RAPGEF5: variants seen among roughly 807,000 people sequenced by gnomAD.
RAPGEF5 encodes the protein Rap guanine nucleotide exchange factor 5.
In RAPGEF5, 65 loss-of-function variants were observed where a neutral mutation model predicts 125.2. That is an observed-to-expected ratio of 0.52 (90% CI 0.43 to 0.64). The LOEUF (loss-of-function observed/expected upper bound fraction) is 0.64. RAPGEF5 is among the 30% of genes least tolerant of loss of function. The probability of loss-of-function intolerance (pLI) is 0.00; values close to 1 mark genes in which losing one functional copy is unlikely to be tolerated. For synonymous variants in RAPGEF5, 391 were observed against 385.9 expected (o/e 1.01, Z -0.16); for missense variants, 958 against 1,048.1 (o/e 0.91, Z 1.19).
At chr7:22,329,808 A>G (rs548522706) in intron 1 of RAPGEF5, among the ~76,000 whole-genome samples, 2 of 152,328 alleles carry the variant, frequency 1.3e-5, no homozygotes, top group South Asian at 4.1e-4. Flanking sequence ...GACAGGTAAA[A>G]GAACACTCAG....
In RAPGEF5 at chr7:22,328,143, G is replaced by A. The variant is rs139993770; in HGVS notation, c.232-10106C>T. On this transcript the variant is annotated intron_variant, in intron 1 of 25. Coordinates refer to ENST00000665637, the MANE Select transcript of RAPGEF5 (RefSeq NM_012294.5). ...TGGCAGAGTGCCTGTCACAAAGCAA[G>A]GCCAGTGGGACCCTAATAGAATTCT... Among the ~76,000 whole-genome samples, 532 of 152,300 alleles carry A rather than the reference G, an allele frequency of 3.5e-3. 2 individuals are homozygous for A. The highest frequency in any genetic ancestry group is 0.012 in the African/African-American group (510 of 41,550).
chr7:22,356,956 G>T lies in RAPGEF5; in HGVS notation c.105C>A (p.Ser35Arg). ...VVAADGPLRR[S>R]PSAREPEREQ... ...CGCGCTCGGGCTCCCGGGCGCTGGG[G>T]CTGCGGCGCAGGGGGCCGTCTGCCG... is the stretch of plus-strand genomic sequence containing the variant. The change falls in exon 1 of 26, where the codon AGC becomes AGA. Residue 35 changes from serine (S) to arginine (R), a missense_variant. By Grantham distance (110) the Ser-to-Arg change is moderately radical. Transcript: ENST00000665637. 9.6e-7 allele frequency: 1 copy of T among 1,041,672 alleles called. No homozygotes were observed. Among genetic ancestry groups the T allele is most frequent in the Admixed American group, 5.6e-5 (1 of 17,786 alleles). 64.5% of individuals were successfully genotyped at this position (1,041,672 alleles called of 1,614,324 possible). A position where few individuals can be genotyped will look rare whatever the true frequency, so the allele number is the denominator to read the frequency against.
intron 9 of RAPGEF5, among the ~76,000 whole-genome samples, chr7:22,199,008 T>C (rs148333550): frequency 6.6e-6 from 1 of 152,328 alleles, no homozygotes; most frequent in African/African-American, 2.4e-5. Context: ...TCAAAGGAGA[T>C]GTCACTTTCC....
At chr7:22,124,234 G>T (rs1236322896) in intron 25 of RAPGEF5, among the ~76,000 whole-genome samples, 1 of 152,162 alleles carries the variant, frequency 6.6e-6, no homozygotes, top group Non-Finnish European at 1.5e-5. Flanking sequence ...TGATATCTTA[G>T]AATTAGCTGA....
chr7:22,355,891 G>T, intron 1 of RAPGEF5: 1 of 918,768 alleles, frequency 1.1e-6, no homozygotes, highest in Non-Finnish European at 1.3e-6. Context: ...AAAAATTACA[G>T]CCAAACGGGA....
intron 1 of RAPGEF5, among the ~76,000 whole-genome samples, chr7:22,336,716 C>G (rs1292715927): frequency 6.6e-6 from 1 of 152,140 alleles, no homozygotes; most frequent in South Asian, 2.1e-4. Context: ...TGGGTGGAAC[C>G]TGGGATTCAA....
In RAPGEF5 at chr7:22,121,415, T is replaced by C. The variant is rs927280388; in HGVS notation, c.*991A>G. ...AGTGCTAAGTGCTTCACTCATTAAA[T>C]GTCACTTAACCTCCCTGCACTGGCT... On this transcript the variant is annotated 3_prime_UTR_variant, in exon 26 of 26. Transcript: ENST00000665637. 2.0e-5 allele frequency: 3 copies of C among 152,162 alleles called. No homozygotes were observed. Among genetic ancestry groups the C allele is most frequent in the Non-Finnish European group, 4.4e-5 (3 of 68,038 alleles). 9.4% of individuals were successfully genotyped at this position (152,162 alleles called of 1,614,324 possible). A position where few individuals can be genotyped will look rare whatever the true frequency, so the allele number is the denominator to read the frequency against.
chr7:22,136,223 A>T (rs1383103054), intron 22 of RAPGEF5, 98 bp from the exon 23 acceptor site: 2 of 826,356 alleles, frequency 2.4e-6, no homozygotes, highest in Non-Finnish European at 1.9e-6. Context: ...CATAACTTAG[A>T]TATAGAGAGA....
intron 7 of RAPGEF5, among the ~76,000 whole-genome samples, chr7:22,255,068 A>G (rs1786722605): frequency 6.6e-6 from 1 of 152,128 alleles, no homozygotes; most frequent in South Asian, 2.1e-4. Flanking sequence ...CCTGGAGTTC[A>G]CTGTCATGGC....
intron 1 of RAPGEF5, among the ~76,000 whole-genome samples, chr7:22,337,424 T>C (rs1242788977): frequency 6.6e-6 from 1 of 152,180 alleles, no homozygotes; most frequent in Non-Finnish European, 1.5e-5. Flanking sequence ...ACAGGAGTAA[T>C]TGAGGAAGTT....
At chr7:22,297,348 G>A (rs921527984) in intron 5 of RAPGEF5, among the ~76,000 whole-genome samples, 3 of 152,168 alleles carry the variant, frequency 2.0e-5, no homozygotes, top group Admixed American at 2.0e-4. Flanking sequence ...CAATATAGAT[G>A]CAGGCAGGTT....
intron 11 of RAPGEF5, among the ~76,000 whole-genome samples, chr7:22,187,792 G>C (rs556178487): frequency 5.1e-4 from 77 of 152,314 alleles, no homozygotes; most frequent in African/African-American, 1.8e-3. Context: ...CTAACTCTCT[G>C]TATATCTATA....
At chr7:22,142,132 G>A (rs1329080309) in intron 20 of RAPGEF5, among the ~76,000 whole-genome samples, 1 of 152,164 alleles carries the variant, frequency 6.6e-6, no homozygotes, top group Non-Finnish European at 1.5e-5. Context: ...CCATCCCCCT[G>A]CTGGAAGCTC....
intron 11 of RAPGEF5, among the ~76,000 whole-genome samples, chr7:22,181,499 G>T (rs1033417364): frequency 6.6e-6 from 1 of 152,130 alleles, no homozygotes; most frequent in African/African-American, 2.4e-5. Flanking sequence ...AAAGTCAGAA[G>T]ATTCACCAAA....
At position 22,240,490 on chromosome 7, in the gene RAPGEF5, G is replaced by A. The variant is rs986487013; in HGVS notation, c.797-9571C>T. ...GGGTTCAAGCCATTCTCCTGCCTCA[G>A]CCTCCCAAGTAGCTGGGATTACAGG... On this transcript the variant is annotated intron_variant, in intron 7 of 25. Transcript: ENST00000665637. Among the ~76,000 whole-genome samples the A allele has an allele frequency of 2.7e-4, 41 of 152,088 alleles. 1 individual carries two copies. Among genetic ancestry groups the A allele is most frequent in the Admixed American group, 2.7e-3 (41 of 15,288 alleles).
intron 5 of RAPGEF5, among the ~76,000 whole-genome samples, chr7:22,301,019 C>T (rs1267001563): frequency 1.3e-5 from 2 of 152,126 alleles, no homozygotes; most frequent in African/African-American, 4.8e-5. Flanking sequence ...ATAAAAGAAA[C>T]GGAAAGGGAA....
chr7:22,318,584 C>T (rs1193464094), intron 1 of RAPGEF5, among the ~76,000 whole-genome samples: 2 of 152,166 alleles, frequency 1.3e-5, no homozygotes, highest in East Asian at 1.9e-4. Context: ...AACAGATTTC[C>T]AGTATTCTCT....
chr7:22,172,208 C>T (rs142317621), intron 11 of RAPGEF5, among the ~76,000 whole-genome samples: 3,206 of 151,960 alleles, frequency 0.021, 112 homozygotes, highest in African/African-American at 0.074. Flanking sequence ...CTGCAATCTC[C>T]GCCTCCTGGG....
intron 4 of RAPGEF5, 120 bp from the exon 5 acceptor site, chr7:22,308,627 T>G: frequency 1.2e-6 from 1 of 805,090 alleles, no homozygotes; most frequent in Non-Finnish European, 1.8e-6. Flanking sequence ...AGACTATAAT[T>G]ATACATTCTA....
Sources: allele counts gnomAD v4.1 joint callset (sites outside exome capture counted in the v4.1 genomes callset), GRCh38; gene constraint gnomAD v4.1.1; transcripts MANE v1.5; gene names NCBI Gene and HGNC (gene_info 2026-07-23, HGNC 2026-07-21).